The following RBMS1 variants were observed in gnomAD, a reference collection of about 807,000 sequenced individuals.
RBMS1 encodes the protein RNA-binding motif, single-stranded-interacting protein 1.
In RBMS1, 17 loss-of-function variants were observed where a neutral mutation model predicts 62.3. The ratio of observed to expected loss-of-function variants is 0.27; its 90% CI spans 0.19 to 0.41. The LOEUF (loss-of-function observed/expected upper bound fraction) is 0.41. RBMS1 is among the 10% of genes least tolerant of loss of function. The pLI, the probability that RBMS1 is intolerant of heterozygous loss-of-function variation, is 1.00. For synonymous variants in RBMS1, 172 were observed against 170.0 expected, an observed-to-expected ratio of 1.01 and a Z score of -0.09; for missense variants, 334 against 504.5, an observed-to-expected ratio of 0.66 and a Z score of 3.24.
intron 1 of RBMS1, among the ~76,000 whole-genome samples, chr2:160,370,836 T>C (rs1693686395): frequency 7.3e-6 from 1 of 136,132 alleles, no homozygotes; most frequent in Non-Finnish European, 1.6e-5. Context: ...GATATGTTTT[T>C]TAAGAAAGTA....
chr2:160,350,989 A>AT (rs1692462499), intron 2 of RBMS1, among the ~76,000 whole-genome samples: 1 of 152,112 alleles, frequency 6.6e-6, no homozygotes, highest in South Asian at 2.1e-4. Context: ...AAGTGTTCCT[A>AT]TTCGCCATAA....
At chr2:160,385,374 T>A (rs1694514931) in intron 1 of RBMS1, among the ~76,000 whole-genome samples, 1 of 151,320 alleles carries the variant, frequency 6.6e-6, no homozygotes, top group African/African-American at 2.4e-5. Context: ...AAAAAATAAA[T>A]AAATAAAAAA....
At position 160,493,652 on chromosome 2, in the gene RBMS1, G is replaced by A. The variant is rs1018205770; in HGVS notation, c.-289C>T. 3 of 495,902 alleles carry A rather than the reference G, an allele frequency of 6.0e-6. No homozygotes were observed. The highest frequency in any genetic ancestry group is 1.1e-5 in the Non-Finnish European group (3 of 273,974). The allele number at this position is 495,902 out of a possible 1,614,324, so 30.7% of individuals were successfully genotyped here. A position where few individuals can be genotyped will look rare whatever the true frequency, so the allele number is the denominator to read the frequency against. On this transcript the variant is annotated 5_prime_UTR_variant, in exon 1 of 14. Transcript: ENST00000348849. ...GGCACCCCGGACAGGGCGCTCCCAA[G>A]GAGTTTCCTCCCGGAGCCCGACTGC...
chr2:160,297,733 G>C lies in RBMS1; in HGVS notation c.640+2918C>G, dbSNP rs116540604. On this transcript the variant is annotated intron_variant, in intron 6 of 13. Transcript: ENST00000348849. ...CAGCCAGGCTAAAGGGAACCAAAGG[G>C]ATCTGGGTCATTGGAAACCATGAGA... Among the ~76,000 whole-genome samples, 825 of 152,330 alleles carry C rather than the reference G, an allele frequency of 5.4e-3. 11 individuals carry two copies. Among genetic ancestry groups the C allele is most frequent in the African/African-American group, 0.019 (777 of 41,570 alleles).
At chr2:160,284,402 G>A (rs1232960446) in intron 9 of RBMS1, 1 of 217,872 alleles carries the variant, frequency 4.6e-6, no homozygotes, top group Non-Finnish European at 9.3e-6. Context: ...TCCTGCTGAA[G>A]AATAAACAAA....
chr2:160,401,422 T>G (rs1336861939), intron 1 of RBMS1, among the ~76,000 whole-genome samples: 2 of 152,220 alleles, frequency 1.3e-5, no homozygotes, highest in Admixed American at 1.3e-4. Context: ...TCCATTTAAT[T>G]CTTTCACCTT....
At chr2:160,336,552 C>T (rs1372761196) in intron 2 of RBMS1, among the ~76,000 whole-genome samples, 1 of 151,946 alleles carries the variant, frequency 6.6e-6, no homozygotes, top group Non-Finnish European at 1.5e-5. Flanking sequence ...ACAAATGCAG[C>T]TGACATTTGT....
At chr2:160,439,384 G>T (rs1365943630) in intron 1 of RBMS1, among the ~76,000 whole-genome samples, 1 of 151,786 alleles carries the variant, frequency 6.6e-6, no homozygotes, top group Non-Finnish European at 1.5e-5. Flanking sequence ...CAGACGGGGC[G>T]GCCGGGCAGA....
At chr2:160,398,547 G>A (rs1695263936) in intron 1 of RBMS1, among the ~76,000 whole-genome samples, 1 of 152,122 alleles carries the variant, frequency 6.6e-6, no homozygotes, top group Admixed American at 6.5e-5. Context: ...AGCCATTTAG[G>A]CTGGACGATT....
rs151089015 is a variant in RBMS1 at position 160,309,466 on chromosome 2, T to C, written c.402+3690A>G. ...GTAGATCAGATGTGGGCCACACAGG[T>C]AGAGTTGGCCCAGGGTTGTGTTAGA... On this transcript the variant is annotated intron_variant, in intron 4 of 13. Coordinates refer to ENST00000348849, the MANE Select transcript of RBMS1 (RefSeq NM_016836.4). Among the ~76,000 whole-genome samples the C allele has an allele frequency of 2.4e-3, 361 of 152,086 alleles. 1 individual carries two copies. Among genetic ancestry groups the C allele is most frequent in the African/African-American group, 8.1e-3 (335 of 41,470 alleles).
At chr2:160,403,551 G>C (rs944555546) in intron 1 of RBMS1, among the ~76,000 whole-genome samples, 1 of 152,146 alleles carries the variant, frequency 6.6e-6, no homozygotes, top group South Asian at 2.1e-4. Flanking sequence ...TCTTGAAGAA[G>C]GCAGTAAACT....
chr2:160,319,501 G>T (rs1249203308), intron 2 of RBMS1, among the ~76,000 whole-genome samples: 1 of 152,162 alleles, frequency 6.6e-6, no homozygotes, highest in Non-Finnish European at 1.5e-5. Flanking sequence ...GACAGAGCAA[G>T]ACTCCATCTC....
chr2:160,481,872 A>C (rs1030552396), intron 1 of RBMS1, among the ~76,000 whole-genome samples: 1 of 152,192 alleles, frequency 6.6e-6, no homozygotes, highest in African/African-American at 2.4e-5. Context: ...GAGGACATAG[A>C]GCAATTAGAT....
intron 2 of RBMS1, among the ~76,000 whole-genome samples, chr2:160,342,098 A>G (rs1185439385): frequency 6.6e-6 from 1 of 152,156 alleles, no homozygotes; most frequent in African/African-American, 2.4e-5. Context: ...AATGGCTTCT[A>G]TTAATACTTG....
At chr2:160,311,030 C>G (rs1689824877) in intron 4 of RBMS1, among the ~76,000 whole-genome samples, 1 of 151,412 alleles carries the variant, frequency 6.6e-6, no homozygotes, top group African/African-American at 2.4e-5. Flanking sequence ...CCTGTCTCTA[C>G]TAAAAATACA....
intron 1 of RBMS1, among the ~76,000 whole-genome samples, chr2:160,471,584 T>C (rs1466637940): frequency 6.7e-6 from 1 of 150,206 alleles, no homozygotes; most frequent in Non-Finnish European, 1.5e-5. Context: ...TTAAAGAATA[T>C]CTGGAGCAAC....
chr2:160,431,145 G>T (rs1015867159), intron 1 of RBMS1, among the ~76,000 whole-genome samples: 8 of 143,196 alleles, frequency 5.6e-5, no homozygotes, highest in Non-Finnish European at 1.2e-4. Flanking sequence ...TAATAAAATA[G>T]TCTAATAAAA....
intron 1 of RBMS1, among the ~76,000 whole-genome samples, chr2:160,370,117 A>G (rs1215839238): frequency 6.6e-6 from 1 of 152,182 alleles, no homozygotes; most frequent in African/African-American, 2.4e-5. Flanking sequence ...GATCCCAGGC[A>G]GAAGAGGGTT....
At chr2:160,339,608 T>C (rs563817919) in intron 2 of RBMS1, among the ~76,000 whole-genome samples, 8 of 152,290 alleles carry the variant, frequency 5.3e-5, no homozygotes, top group African/African-American at 1.4e-4. Flanking sequence ...AAGGTTCTTA[T>C]TGAAAGGTCC....
Sources: allele counts gnomAD v4.1 joint callset (sites outside exome capture counted in the v4.1 genomes callset), GRCh38; gene constraint gnomAD v4.1.1; transcripts MANE v1.5; gene names NCBI Gene and HGNC (gene_info 2026-07-23, HGNC 2026-07-21).